Variants in MECOM observed in about 807,000 individuals in gnomAD.
The protein encoded by MECOM is histone-lysine N-methyltransferase MECOM.
A neutral mutation model predicts 116.3 loss-of-function variants in MECOM; 13 were observed. The observed-to-expected ratio is 0.11, with a 90% CI of 0.07 to 0.18. MECOM has a LOEUF of 0.18. MECOM is among the 10% of genes least tolerant of loss of function. The pLI, the probability that MECOM is intolerant of heterozygous loss-of-function variation, is 1.00. For synonymous variants in MECOM, 528 were observed against 535.2 expected (o/e 0.99, Z 0.19); for missense variants, 1,299 against 1,509.0 (o/e 0.86, Z 2.31).
chr3:169,367,549 G>C (rs1316013494), intron 2 of MECOM, among the ~76,000 whole-genome samples: 1 of 151,964 alleles, frequency 6.6e-6, no homozygotes, highest in Non-Finnish European at 1.5e-5. Context: ...TGTGTGTGTC[G>C]TAGGGGATGG....
chr3:169,333,038 CAT>C (rs1330231512), intron 2 of MECOM, among the ~76,000 whole-genome samples: 2 of 152,090 alleles, frequency 1.3e-5, no homozygotes, highest in East Asian at 3.8e-4. Context: ...CTAACAAAAA[CAT>C]AGCATTTCAC....
chr3:169,213,432 TA>T (rs1310210557), intron 2 of MECOM, among the ~76,000 whole-genome samples: 4 of 152,128 alleles, frequency 2.6e-5, no homozygotes, highest in Non-Finnish European at 5.9e-5. Context: ...TTCCTTTGAT[TA>T]AAAAAATGTT....
At chr3:169,497,917 T>C (rs991630380) in intron 1 of MECOM, among the ~76,000 whole-genome samples, 1 of 152,356 alleles carries the variant, frequency 6.6e-6, no homozygotes, top group South Asian at 2.1e-4. Flanking sequence ...ACATATGCCA[T>C]ATATCCTGTT....
chr3:169,220,477 T>A (rs572273337), intron 2 of MECOM, among the ~76,000 whole-genome samples: 1 of 152,148 alleles, frequency 6.6e-6, no homozygotes, highest in South Asian at 2.1e-4. Flanking sequence ...TAATTTTATT[T>A]TTATTATTAT....
In MECOM at chr3:169,090,060, G is replaced by A. The variant is rs1015885653; in HGVS notation, c.3341C>T (p.Pro1114Leu). The A allele has an allele frequency of 1.9e-6, 3 of 1,613,576 alleles. No individual in the cohort carries two copies. In the African/African-American group the frequency reaches 4.0e-5, roughly 22 times the overall value. ...ACTGGTTTCTTCATAGTCATCCTCA[G>A]GGTTTCCTTCATGTAAATTACTTGT... ...PVTSNLHEGNPEDDYEETSAL... is the reference protein window; with the variant it reads ...PVTSNLHEGNLEDDYEETSAL... The change falls in exon 15 of 17, where the codon CCT becomes CTT. Residue 1114 changes from proline to leucine, a missense_variant. Pro to Leu is a moderately conservative substitution (Grantham distance 98). Around this residue, in one of 6 missense-constraint regions of MECOM, gnomAD observed 273 missense variants for 289.3 expected, o/e 0.94. Transcript: ENST00000651503.
At chr3:169,545,719 G>A (rs1035004600) in intron 1 of MECOM, among the ~76,000 whole-genome samples, 1 of 152,128 alleles carries the variant, frequency 6.6e-6, no homozygotes, top group Non-Finnish European at 1.5e-5. Context: ...CACTCTGCCT[G>A]AGAGTCAATA....
At chr3:169,210,433 C>A (rs1426868182) in intron 2 of MECOM, among the ~76,000 whole-genome samples, 14 of 152,090 alleles carry the variant, frequency 9.2e-5, no homozygotes, top group Non-Finnish European at 1.8e-4. Flanking sequence ...TTATTGTTAG[C>A]TACTCTGTGA....
chr3:169,575,286 A>G (rs947274920), intron 1 of MECOM, among the ~76,000 whole-genome samples: 1 of 152,204 alleles, frequency 6.6e-6, no homozygotes, highest in African/African-American at 2.4e-5. Flanking sequence ...AAAAGGAGCA[A>G]CTAAAAGCAG....
At chr3:169,594,700 C>T (rs1363623530) in intron 1 of MECOM, among the ~76,000 whole-genome samples, 4 of 151,610 alleles carry the variant, frequency 2.6e-5, no homozygotes. Flanking sequence ...AGTCCATCTG[C>T]AGGCATTTCA....
chr3:169,249,414 G>A (rs960867968), intron 2 of MECOM, among the ~76,000 whole-genome samples: 1 of 152,128 alleles, frequency 6.6e-6, no homozygotes, highest in African/African-American at 2.4e-5. Context: ...CCTACAAATA[G>A]TGTTTGCCTA....
At chr3:169,412,723 A>G (rs914174963) in intron 1 of MECOM, among the ~76,000 whole-genome samples, 2 of 152,234 alleles carry the variant, frequency 1.3e-5, no homozygotes, top group African/African-American at 4.8e-5. Context: ...GAAGAACATT[A>G]GGAATATTAT....
intron 2 of MECOM, among the ~76,000 whole-genome samples, chr3:169,365,945 T>C (rs1011867644): frequency 1.8e-4 from 28 of 152,032 alleles, no homozygotes; most frequent in Non-Finnish European, 3.4e-4. Context: ...TTTCTTTAGA[T>C]ATCATGACCT....
intron 2 of MECOM, among the ~76,000 whole-genome samples, chr3:169,253,505 G>C (rs931199773): frequency 6.6e-6 from 1 of 151,492 alleles, no homozygotes; most frequent in African/African-American, 2.4e-5. Flanking sequence ...TTATCAGTAA[G>C]GAGCACATGT....
chr3:169,574,951 C>A (rs1033985445), intron 1 of MECOM, among the ~76,000 whole-genome samples: 2 of 152,040 alleles, frequency 1.3e-5, no homozygotes, highest in South Asian at 4.1e-4. Flanking sequence ...CTTTCCGAAG[C>A]GCTGATAGAA....
chr3:169,302,335 G>A (rs766954782), intron 2 of MECOM, among the ~76,000 whole-genome samples: 6 of 152,186 alleles, frequency 3.9e-5, no homozygotes, highest in South Asian at 2.1e-4. Context: ...CAGGAATGCC[G>A]TGGGGTGGCA....
At chr3:169,267,630 G>A (rs1283660270) in intron 2 of MECOM, among the ~76,000 whole-genome samples, 2 of 152,162 alleles carry the variant, frequency 1.3e-5, no homozygotes, top group Non-Finnish European at 2.9e-5. Flanking sequence ...TGAGCTCAAG[G>A]TGATTGAAGT....
At chr3:169,660,146 G>A (rs963998225) in intron 1 of MECOM, among the ~76,000 whole-genome samples, 1 of 152,118 alleles carries the variant, frequency 6.6e-6, no homozygotes, top group Non-Finnish European at 1.5e-5. Context: ...ATAGCAACTG[G>A]CATTTCTGGC....
chr3:169,484,914 G>A (rs79464304), intron 1 of MECOM, among the ~76,000 whole-genome samples: 3,598 of 152,152 alleles, frequency 0.024, 111 homozygotes, highest in African/African-American at 0.072. Context: ...TATTACTTAG[G>A]GAGAGCTTTG....
chr3:169,393,078 A>C (rs1734480659), intron 1 of MECOM, among the ~76,000 whole-genome samples: 1 of 152,098 alleles, frequency 6.6e-6, no homozygotes, highest in African/African-American at 2.4e-5. Context: ...CTTCACTGAA[A>C]AGGGCCCAGA....
Sources: gnomAD v4.1 joint callset for allele counts (sites outside exome capture counted in the v4.1 genomes callset) on GRCh38, gnomAD v4.1.1 for gene constraint, gnomAD v4.1.1 regional missense constraint, MANE v1.5 for transcripts, NCBI Gene and HGNC (gene_info 2026-07-23, HGNC 2026-07-21) for gene names.